Variants in RAD52 observed in about 807,000 individuals in gnomAD.
RAD52 encodes DNA repair protein RAD52 homolog.
Under a neutral mutation model 55.5 loss-of-function variants are expected in RAD52, and 47 were observed. The observed-to-expected ratio is 0.85, with a 90% CI of 0.67 to 1.08. The LOEUF is 1.08. Ranked by LOEUF, RAD52 falls within the 50% of genes least tolerant of loss-of-function variation. The pLI, the probability that RAD52 is intolerant of heterozygous loss-of-function variation, is 0.00. For synonymous variants in RAD52, 184 were observed against 198.9 expected (o/e 0.92, Z 0.63); for missense variants, 468 against 522.8 (o/e 0.90, Z 1.02).
intron 7 of RAD52, among the ~76,000 whole-genome samples, chr12:922,639 A>C (rs980267572): frequency 6.6e-6 from 1 of 152,154 alleles, no homozygotes; most frequent in Admixed American, 6.6e-5. Context: ...AAAAGCAAAA[A>C]TTATGTGATT....
intron 1 of RAD52, among the ~76,000 whole-genome samples, chr12:971,171 C>T (rs931969377): frequency 6.6e-6 from 1 of 152,070 alleles, no homozygotes; most frequent in Admixed American, 6.6e-5. Flanking sequence ...TCCATTGGGG[C>T]CTAATATTTC....
At chr12:945,601 T>G (rs998490532) in intron 1 of RAD52, among the ~76,000 whole-genome samples, 2 of 151,078 alleles carry the variant, frequency 1.3e-5, no homozygotes, top group African/African-American at 4.8e-5. Context: ...ACCCAGCTAA[T>G]TTTCTGTACT....
intron 1 of RAD52, among the ~76,000 whole-genome samples, chr12:946,679 C>CA (rs1958245232): frequency 6.6e-6 from 1 of 152,018 alleles, no homozygotes; most frequent in East Asian, 1.9e-4. Flanking sequence ...CACAAAAATA[C>CA]AAAAAAACAT....
rs569060061 is a variant in RAD52 at position 914,350 on chromosome 12, A to G, written c.967+81T>C. The G allele has an allele frequency of 5.1e-6, 8 of 1,565,252 alleles. No individual in the cohort carries two copies. In the African/African-American group the frequency reaches 1.1e-4, roughly 21 times the overall value. On this transcript the variant is annotated intron_variant, in intron 10 of 11. Transcript: ENST00000358495. ...TCAACAAAACCACACGAAAATGAGG[A>G]TTTTTATGTCGCCTAAAAGGTATTC... is the stretch of plus-strand genomic sequence containing the variant.
intron 1 of RAD52, chr12:976,685 G>C (rs1040235669): frequency 2.0e-5 from 3 of 152,194 alleles, no homozygotes; most frequent in African/African-American, 7.2e-5. Flanking sequence ...GGGAACAGAA[G>C]AGTTGCCCAG....
chr12:958,954 G>C (rs534820731), intron 1 of RAD52, among the ~76,000 whole-genome samples: 1 of 152,276 alleles, frequency 6.6e-6, no homozygotes, highest in African/African-American at 2.4e-5. Flanking sequence ...AGGGGATAAA[G>C]TATTCTTTCT....
At chr12:952,657 C>G (rs977781676), upstream of RAD52, among the ~76,000 whole-genome samples, 27 of 151,256 alleles carry the variant, frequency 1.8e-4, no homozygotes, top group Admixed American at 1.7e-3. Flanking sequence ...GAGGTCAAGA[C>G]GAGAGGATCG....
intron 7 of RAD52, among the ~76,000 whole-genome samples, chr12:917,683 A>G (rs1048837565): frequency 3.3e-5 from 5 of 149,716 alleles, no homozygotes; most frequent in Non-Finnish European, 1.5e-5. Flanking sequence ...GTTCAAGACC[A>G]GCCTGGCCAA....
chr12:913,446 C>T lies in RAD52; in HGVS notation c.1202G>A (p.Trp401Ter). The T allele has an allele frequency of 6.2e-7, 1 of 1,602,334 alleles. No homozygotes were observed. The highest frequency in any genetic ancestry group is 1.3e-5 in the African/African-American group (1 of 74,694). The stretch of plus-strand genomic sequence containing the variant: ...GTCCTGGCTCTTCCTATGAGATTCC[C>T]AGTTTCCTATGGAAGACAAAATGGC... ...YSADQRTTGNWESHRKSQDMK... is the reference protein window; with the variant it reads ...YSADQRTTGN Residue 401 changes from tryptophan (W) to a stop codon, truncating the protein, a stop_gained, in exon 12 of 12, where the codon TGG becomes TAG. Transcript: ENST00000358495. LOFTEE classifies it high-confidence loss of function.
intron 9 of RAD52, 45 bp downstream of exon 9, chr12:916,299 C>G: frequency 6.3e-7 from 1 of 1,594,576 alleles, no homozygotes; most frequent in Non-Finnish European, 8.5e-7. Flanking sequence ...GCTACACTTC[C>G]TCCTGCAGAC....
At chr12:917,610 C>T (rs1220608871) in intron 7 of RAD52, among the ~76,000 whole-genome samples, 1 of 151,678 alleles carries the variant, frequency 6.6e-6, no homozygotes, top group Admixed American at 6.6e-5. Context: ...TGGCCAGGCA[C>T]GTTGACTCAT....
At chr12:914,878 C>T (rs1046821949) in intron 9 of RAD52, among the ~76,000 whole-genome samples, 30 of 152,340 alleles carry the variant, frequency 2.0e-4, no homozygotes, top group African/African-American at 7.2e-4. Context: ...TAAAATCTGA[C>T]CAGGCACAGT....
At chr12:969,034 A>C (rs915437720) in intron 1 of RAD52, among the ~76,000 whole-genome samples, 1 of 152,090 alleles carries the variant, frequency 6.6e-6, no homozygotes, top group African/African-American at 2.4e-5. Flanking sequence ...ACATGTATAG[A>C]CTGTTTTTTC....
intron 1 of RAD52, among the ~76,000 whole-genome samples, chr12:941,181 G>A (rs1029748535): frequency 1.3e-5 from 2 of 152,146 alleles, no homozygotes; most frequent in African/African-American, 4.8e-5. Context: ...GGTAGAGAAT[G>A]ATAACACATT....
chr12:965,132 A>G (rs1958741393), intron 1 of RAD52, among the ~76,000 whole-genome samples: 1 of 151,778 alleles, frequency 6.6e-6, no homozygotes, highest in South Asian at 2.1e-4. Flanking sequence ...GGTGCGCACC[A>G]CCACGCCCGG....
chr12:938,951 T>C (rs1201207945), intron 1 of RAD52, among the ~76,000 whole-genome samples: 1 of 152,074 alleles, frequency 6.6e-6, no homozygotes, highest in Non-Finnish European at 1.5e-5. Context: ...ATCGTGATTC[T>C]GTAGGACAAT....
In RAD52 at chr12:912,399, A is replaced by G. The variant is rs104895055; in HGVS notation, c.*992T>C. On this transcript the variant is annotated 3_prime_UTR_variant, in exon 12 of 12. Coordinates refer to ENST00000358495, the MANE Select transcript of RAD52 (RefSeq NM_134424.4). ...AAAATTATGTGTATGAGGCATATAC[A>G]CGAAACACAGGTGAATTCCACGTTC... The G allele has an allele frequency of 9.9e-6, 2 of 202,130 alleles. No individual in the cohort carries two copies. The highest frequency in any genetic ancestry group is 2.0e-5 in the Non-Finnish European group (2 of 98,194). 12.5% of individuals were successfully genotyped at this position (202,130 alleles called of 1,614,324 possible).
upstream of RAD52, among the ~76,000 whole-genome samples, chr12:951,239 G>C (rs1230557307): frequency 6.6e-6 from 1 of 151,932 alleles, no homozygotes; most frequent in East Asian, 1.9e-4. Flanking sequence ...CAGCTTCCCA[G>C]GTAGCTGGGA....
chr12:972,741 G>A (rs1383750079), intron 1 of RAD52, among the ~76,000 whole-genome samples: 1 of 146,810 alleles, frequency 6.8e-6, no homozygotes, highest in Non-Finnish European at 1.5e-5. Context: ...ACTCCAGCCT[G>A]GGCGACAGAG....
Sources: gnomAD v4.1 joint callset for allele counts (sites outside exome capture counted in the v4.1 genomes callset) on GRCh38, gnomAD v4.1.1 for gene constraint, MANE v1.5 for transcripts, NCBI Gene and HGNC (gene_info 2026-07-23, HGNC 2026-07-21) for gene names.